The following TJP3 variants were observed in gnomAD, a reference collection of about 807,000 sequenced individuals.
TJP3 encodes tight junction protein ZO-3.
A neutral mutation model predicts 104.2 loss-of-function variants in TJP3; 85 were observed. The observed-to-expected ratio is 0.82, with a 90% CI of 0.68 to 0.98. TJP3 has a LOEUF of 0.98. Among genes scored for constraint, TJP3 ranks in the 50% least tolerant of loss-of-function variants. The pLI is 0.00. For synonymous variants in TJP3, 550 were observed against 550.6 expected (o/e 1.00, Z 0.02); for missense variants, 1,367 against 1,322.8 (o/e 1.03, Z -0.52).
chr19:3,726,307 A>T (rs2036595316), intron 1 of TJP3, among the ~76,000 whole-genome samples: 1 of 152,234 alleles, frequency 6.6e-6, no homozygotes, highest in Non-Finnish European at 1.5e-5. Flanking sequence ...ACATGAAAAT[A>T]ACAGAATCTG....
At position 3,746,180 on chromosome 19, in the gene TJP3, A is replaced by G; in HGVS notation, c.2010+99A>G. On this transcript the variant is annotated intron_variant, in intron 16 of 20. Transcript: ENST00000541714. The surrounding 1 kb of genome is among the most constrained non-coding windows in gnomAD (Gnocchi z 4.1). ...CTGACCTGTTCTCAGCCCACACCCCACAAGTGCAGTCTTCCATAGAGCCCC... is the reference window on the plus strand; with the variant it reads ...CTGACCTGTTCTCAGCCCACACCCCGCAAGTGCAGTCTTCCATAGAGCCCC... The G allele has an allele frequency of 8.2e-7, 1 of 1,226,956 alleles. No individual in the cohort carries two copies. Among genetic ancestry groups the G allele is most frequent in the Non-Finnish European group, 1.2e-6 (1 of 856,658 alleles). 76.0% of individuals were successfully genotyped at this position (1,226,956 alleles called of 1,614,324 possible).
At chr19:3,726,767 G>A (rs2036600481) in intron 1 of TJP3, among the ~76,000 whole-genome samples, 1 of 151,882 alleles carries the variant, frequency 6.6e-6, no homozygotes, top group South Asian at 2.1e-4. Flanking sequence ...GGAGGCTGGG[G>A]CAGGAGGATT....
Position 3,739,045 on chromosome 19 carries a change from G to C in TJP3, c.1542G>C (p.Gln514His). The C allele has an allele frequency of 6.2e-7, 1 of 1,611,048 alleles. No individual in the cohort carries two copies. The highest frequency in any genetic ancestry group is 8.5e-7 in the Non-Finnish European group (1 of 1,178,654). The change falls in exon 13 of 21, where the codon CAG becomes CAC. Residue 514 changes from glutamine (Q) to histidine (H), a missense_variant. Physicochemically the swap from Gln to His is conservative, Grantham distance 24 (BLOSUM62 0). Coordinates refer to ENST00000541714, the MANE Select transcript of TJP3 (RefSeq NM_001267560.2). Reference sequence around the variant, plus strand: ...ACACGCTGCACCCCGGCCCCGGGCAGAGCCACGCACGAGGAGGCCACTGGC... The same window carrying C: ...ACACGCTGCACCCCGGCCCCGGGCACAGCCACGCACGAGGAGGCCACTGGC... ...VLDTLHPGPG[Q>H]SHARGGHWLA...
In TJP3 at chr19:3,708,435, A is replaced by C. The variant is rs918680032; in HGVS notation, c.-136A>C. On this transcript the variant is annotated 5_prime_UTR_variant, in exon 1 of 21. Transcript: ENST00000541714. ...CCTGTTGCCACCACAAGAGAGGAAAAGTTGGTCAAACAGGTGGGGAGGCCA... is the reference window on the plus strand; with the variant it reads ...CCTGTTGCCACCACAAGAGAGGAAACGTTGGTCAAACAGGTGGGGAGGCCA... 1 of 152,134 alleles carries C rather than the reference A, an allele frequency of 6.6e-6. No homozygotes were observed. The highest frequency in any genetic ancestry group is 2.4e-5 in the African/African-American group (1 of 41,424). The allele number at this position is 152,134 out of a possible 1,614,324, so 9.4% of individuals were successfully genotyped here.
At chr19:3,713,451 C>T (rs1247181016) in intron 1 of TJP3, among the ~76,000 whole-genome samples, 3 of 152,218 alleles carry the variant, frequency 2.0e-5, no homozygotes, top group East Asian at 1.9e-4. Context: ...AAGACAGAAT[C>T]GGTCACAGCC....
At chr19:3,710,469 T>G (rs1331171804) in intron 1 of TJP3, among the ~76,000 whole-genome samples, 1 of 152,188 alleles carries the variant, frequency 6.6e-6, no homozygotes, top group African/African-American at 2.4e-5. Context: ...AGCTGATGCC[T>G]CAGGCTCAGC....
chr19:3,731,173 C>T (rs1425020282), intron 5 of TJP3, among the ~76,000 whole-genome samples: 2 of 152,182 alleles, frequency 1.3e-5, no homozygotes, highest in Non-Finnish European at 2.9e-5. Context: ...CCACTTGGGG[C>T]CCAGAACCAT....
chr19:3,715,075 T>C (rs913106703), intron 1 of TJP3, among the ~76,000 whole-genome samples: 1 of 151,100 alleles, frequency 6.6e-6, no homozygotes, highest in Non-Finnish European at 1.5e-5. Context: ...GTTTTTTGTT[T>C]GTTTGTTTGG....
chr19:3,735,542 C>T (rs1445468152), intron 8 of TJP3, 24 bp from the exon 9 acceptor site: 13 of 1,612,634 alleles, frequency 8.1e-6, no homozygotes, highest in Middle Eastern at 1.7e-4. Context: ...ATCCCTGCCT[C>T]ACTCCCAATC....
chr19:3,717,916 A>AT (rs2036496387), intron 1 of TJP3, among the ~76,000 whole-genome samples: 1 of 57,302 alleles, frequency 1.7e-5, no homozygotes, highest in Non-Finnish European at 3.0e-5. Context: ...AGACTGGCTA[A>AT]TTAAAAAAAA....
In TJP3 at chr19:3,728,670, G is replaced by A. The variant is rs2036631119; in HGVS notation, c.115G>A (p.Val39Ile). The A allele has an allele frequency of 6.2e-7, 1 of 1,613,810 alleles. No individual in the cohort carries two copies. Among genetic ancestry groups the A allele is most frequent in the Non-Finnish European group, 8.5e-7 (1 of 1,179,994 alleles). Residue 39 changes from valine (V) to isoleucine (I), a missense_variant, in exon 3 of 21, where the codon GTA (valine) becomes ATA (isoleucine). Val to Ile is a conservative substitution (Grantham distance 29, BLOSUM62 3). Coordinates refer to ENST00000541714, the MANE Select transcript of TJP3 (RefSeq NM_001267560.2). ...AGACCGGCCCGGTGGATCCATGGTT[G>A]TATCTGACGTGGTACCTGGAGGGCC... is the stretch of plus-strand genomic sequence containing the variant. ...GRDRPGGSMVVSDVVPGGPAE... is the reference protein window; with the variant it reads ...GRDRPGGSMVISDVVPGGPAE...
rs190244080 is a variant in TJP3, at chr19:3,719,997, G to A, written c.-9-8427G>A. Among the ~76,000 whole-genome samples the A allele has an allele frequency of 2.2e-3, 332 of 152,256 alleles. 1 individual carries two copies. Among genetic ancestry groups the A allele is most frequent in the African/African-American group, 7.4e-3 (308 of 41,550 alleles). ...CTGGCCTCAAGTGATCCTCCCACCT[G>A]ACTCTTCAAAGTTCTGGAATTACAG... On this transcript the variant is annotated intron_variant, in intron 1 of 20. Coordinates refer to ENST00000541714, the MANE Select transcript of TJP3 (RefSeq NM_001267560.2).
intron 1 of TJP3, among the ~76,000 whole-genome samples, chr19:3,720,020 C>T (rs1179059366): frequency 6.6e-6 from 1 of 152,178 alleles, no homozygotes; most frequent in Non-Finnish European, 1.5e-5. Context: ...TCTGGAATTA[C>T]AGGAGTGAGC....
At chr19:3,745,060 C>A (rs1024102073) in intron 15 of TJP3, among the ~76,000 whole-genome samples, 1 of 147,650 alleles carries the variant, frequency 6.8e-6, no homozygotes, top group Non-Finnish European at 1.5e-5. Flanking sequence ...CCAGCCTGGG[C>A]AACACAGCAA....
intron 1 of TJP3, among the ~76,000 whole-genome samples, chr19:3,718,651 T>C (rs1489639837): frequency 6.6e-6 from 1 of 151,322 alleles, no homozygotes; most frequent in Non-Finnish European, 1.5e-5. Flanking sequence ...GTATTTTCAG[T>C]AGAGACAGGG....
intron 5 of TJP3, among the ~76,000 whole-genome samples, chr19:3,731,633 C>T (rs78849108): frequency 0.069 from 10,466 of 151,234 alleles, 1,148 homozygotes; most frequent in African/African-American, 0.24. Context: ...GACTCCTTCT[C>T]GAAAAAAATT....
intron 7 of TJP3, among the ~76,000 whole-genome samples, 163 bp downstream of exon 7, chr19:3,734,075 C>T (rs573009865): frequency 6.6e-6 from 1 of 152,230 alleles, no homozygotes; most frequent in Non-Finnish European, 1.5e-5. Flanking sequence ...TTCAGGGGGG[C>T]GATCTCGGCT....
rs1287744526 is a variant in TJP3, at chr19:3,739,110, GGGGCATCATTCCCAACCAGAGCA to G, written c.1610_1631+1del. On this transcript the variant is annotated frameshift_variant and splice_region_variant, in exon 13 of 21. Coordinates refer to ENST00000541714, the MANE Select transcript of TJP3 (RefSeq NM_001267560.2). LOFTEE classifies it high-confidence loss of function. Reference sequence around the variant, plus strand: ...GGTCGTGACCTGCGGGAGCAAGAGCGGGGCATCATTCCCAACCAGAGCAGGTGGGGACTGTGTGCTCCTGCAGT... The same window carrying G: ...GGTCGTGACCTGCGGGAGCAAGAGCGGGTGGGGACTGTGTGCTCCTGCAGT... 5 of 1,571,278 alleles carry G rather than the reference GGGGCATCATTCCCAACCAGAGCA, an allele frequency of 3.2e-6. No homozygotes were observed. In the Admixed American group the frequency reaches 8.8e-5, roughly 28 times the overall value.
rs1159307556 is a variant in TJP3 at position 3,730,210 on chromosome 19, A to G, written c.261+80A>G. 1.8e-5 allele frequency: 28 copies of G among 1,542,336 alleles called. No individual in the cohort carries two copies. In the South Asian group the frequency reaches 2.1e-4, roughly 12 times the overall value. ...CCGCTGTGGGGGTTGTAAGCTTCTG[A>G]GAGCAAGGAGTCATCTTCTCATCTT... On this transcript the variant is annotated intron_variant, in intron 4 of 20. Coordinates refer to ENST00000541714, the MANE Select transcript of TJP3 (RefSeq NM_001267560.2). The surrounding 1 kb of genome is among the most constrained non-coding windows in gnomAD (Gnocchi z 7.3).
Sources: allele counts gnomAD v4.1 joint callset (sites outside exome capture counted in the v4.1 genomes callset), GRCh38; gene constraint gnomAD v4.1.1; non-coding constraint Gnocchi (gnomAD v3.1); transcripts MANE v1.5; gene names NCBI Gene and HGNC (gene_info 2026-07-23, HGNC 2026-07-21).